The following NOS1 variants were observed in gnomAD, a reference collection of about 807,000 sequenced individuals.
The protein encoded by NOS1 is NOS type I.
NOS1 carries 51 observed loss-of-function variants against 164.5 expected under a neutral mutation model. The observed-to-expected ratio is 0.31, with a 90% CI of 0.25 to 0.39. The LOEUF is 0.39. Among genes scored for constraint, NOS1 ranks in the 10% least tolerant of loss-of-function variants. NOS1 has a pLI of 1.00. For missense variants in NOS1, 1,362 were observed against 1,885.6 expected (o/e 0.72, Z 5.14); for synonymous variants, 719 against 745.8 (o/e 0.96, Z 0.59).
intron 1 of NOS1, among the ~76,000 whole-genome samples, chr12:117,353,222 C>CATCT (rs143649352): frequency 1.2e-3 from 178 of 152,186 alleles, no homozygotes; most frequent in Middle Eastern, 3.4e-3. Flanking sequence ...TCTATCTATT[C>CATCT]ATCTATCTAT....
Position 117,253,730 on chromosome 12 carries a change from G to A in NOS1, c.2556C>T (p.Ser852=), listed in dbSNP as rs766767112. ...ERKSYKVRFN[S]VSSYSDSQKS... is the part of the protein sequence containing the mutation. ...TTTGGGAGTCAGAGTAGGAGGAGAC[G>A]CTGTTGAATCGGACCTTGTAGCTCC... The change falls in exon 17 of 29, where the codon AGC becomes AGT. Residue 852 remains serine, a synonymous_variant. Coordinates refer to ENST00000317775, the MANE Select transcript of NOS1 (RefSeq NM_000620.5). 2.5e-6 allele frequency: 4 copies of A among 1,613,874 alleles called. No homozygotes were observed. Among genetic ancestry groups the A allele is most frequent in the African/African-American group, 1.3e-5 (1 of 74,986 alleles).
chr12:117,219,505 C>G (rs1232976454), intron 27 of NOS1, among the ~76,000 whole-genome samples: 1 of 150,230 alleles, frequency 6.7e-6, no homozygotes, highest in Non-Finnish European at 1.5e-5. Flanking sequence ...CAGGGTTTCA[C>G]TATGTTAGTC....
intron 18 of NOS1, among the ~76,000 whole-genome samples, chr12:117,246,497 G>A (rs1870625489): frequency 6.6e-6 from 1 of 152,154 alleles, no homozygotes; most frequent in Non-Finnish European, 1.5e-5. Flanking sequence ...ACAACTCACT[G>A]TTTAAATATG....
chr12:117,330,266 G>A lies in NOS1; in HGVS notation c.725+79C>T, dbSNP rs1875460371. 1.3e-6 allele frequency: 2 copies of A among 1,503,198 alleles called. No homozygotes were observed. The highest frequency in any genetic ancestry group is 2.3e-5 in the East Asian group (1 of 43,632). 93.1% of individuals were successfully genotyped at this position (1,503,198 alleles called of 1,614,324 possible). On this transcript the variant is annotated intron_variant, in intron 2 of 28. Transcript: ENST00000317775. The surrounding 1 kb of genome is among the most constrained non-coding windows in gnomAD (Gnocchi z 4.6). ...GTTGGCTTCTGGGCTATGAGGCTGA[G>A]TCTCAGTAGACGCACATGCACACAC...
At chr12:117,322,274 T>C in intron 2 of NOS1, among the ~76,000 whole-genome samples, 1 of 113,712 alleles carries the variant, frequency 8.8e-6, no homozygotes. Context: ...CCTTCCTCTT[T>C]CCTTTCTTCC....
chr12:117,249,746 T>C (rs2135963488), intron 17 of NOS1, among the ~76,000 whole-genome samples: 1 of 152,168 alleles, frequency 6.6e-6, no homozygotes, highest in East Asian at 1.9e-4. Flanking sequence ...TTTCTCTATG[T>C]TGAGGTGGGG....
intron 3 of NOS1, among the ~76,000 whole-genome samples, chr12:117,310,193 C>T (rs77889924): frequency 0.012 from 1,880 of 152,222 alleles, 45 homozygotes; most frequent in African/African-American, 0.043. Context: ...AGGCGTGAGC[C>T]GCCATGCCTG....
chr12:117,315,218 T>A (rs77597823), intron 2 of NOS1, among the ~76,000 whole-genome samples: 3,414 of 152,176 alleles, frequency 0.022, 146 homozygotes, highest in African/African-American at 0.079. Context: ...ATTATTTATT[T>A]TTTTTTAGAT....
chr12:117,351,791 G>A (rs1261046178), intron 1 of NOS1, among the ~76,000 whole-genome samples: 1 of 152,198 alleles, frequency 6.6e-6, no homozygotes, highest in African/African-American at 2.4e-5. Flanking sequence ...ACTTGCCAAG[G>A]TTACAGAGTG....
At chr12:117,273,008 G>A (rs1437681569) in intron 9 of NOS1, among the ~76,000 whole-genome samples, 1 of 152,124 alleles carries the variant, frequency 6.6e-6, no homozygotes. Context: ...GCTCTGTCAT[G>A]CAGGCTTCCT....
chr12:117,314,280 C>G (rs995919224), intron 2 of NOS1, among the ~76,000 whole-genome samples: 1 of 152,190 alleles, frequency 6.6e-6, no homozygotes, highest in Non-Finnish European at 1.5e-5. Flanking sequence ...CCTACATGAT[C>G]GTAAACAGAA....
intron 1 of NOS1, among the ~76,000 whole-genome samples, chr12:117,342,195 C>A (rs1876144742): frequency 6.6e-6 from 1 of 152,002 alleles, no homozygotes; most frequent in South Asian, 2.1e-4. Flanking sequence ...ATTCATTTGC[C>A]TACTCATACA....
At chr12:117,321,570 C>A (rs1305986111) in intron 2 of NOS1, among the ~76,000 whole-genome samples, 2 of 152,042 alleles carry the variant, frequency 1.3e-5, no homozygotes, top group African/African-American at 2.4e-5. Context: ...GGGTACAAAG[C>A]GAGAGTAATC....
intron 20 of NOS1, among the ~76,000 whole-genome samples, chr12:117,236,596 C>T (rs758915153): frequency 1.1e-4 from 17 of 152,090 alleles, no homozygotes; most frequent in Admixed American, 6.6e-4. Context: ...GTCTTTGGTT[C>T]CTGGGGAGCA....
intron 17 of NOS1, among the ~76,000 whole-genome samples, chr12:117,251,003 T>G (rs1871060014): frequency 6.6e-6 from 1 of 152,204 alleles, no homozygotes; most frequent in Non-Finnish European, 1.5e-5. Context: ...TCCCCCAGAT[T>G]CATAGGTTGA....
chr12:117,236,925 TGGGCCCAGGCTCTG>T (rs1159928505), intron 20 of NOS1, among the ~76,000 whole-genome samples: 1 of 152,100 alleles, frequency 6.6e-6, no homozygotes, highest in East Asian at 1.9e-4. Context: ...GAATGCAAGG[TGGGCCCAGGCTCTG>T]GCCCTGCTGG....
Position 117,210,697 on chromosome 12 carries a change from T to A in NOS1, c.*4612A>T. The A allele has an allele frequency of 1.0e-6, 1 of 985,460 alleles. No individual in the cohort carries two copies. The highest frequency in any genetic ancestry group is 4.7e-5 in the South Asian group (1 of 21,286). 61.0% of individuals were successfully genotyped at this position (985,460 alleles called of 1,614,324 possible). Reference sequence around the variant, plus strand: ...CTTGTTTTGAGCTTAGGGCAAGACCTGACCTCTTTCAAAGTCCAGAGCAGG... The same window carrying A: ...CTTGTTTTGAGCTTAGGGCAAGACCAGACCTCTTTCAAAGTCCAGAGCAGG... On this transcript the variant is annotated 3_prime_UTR_variant, in exon 29 of 29. Coordinates refer to ENST00000317775, the MANE Select transcript of NOS1 (RefSeq NM_000620.5).
chr12:117,279,766 G>C (rs545834409), intron 8 of NOS1, among the ~76,000 whole-genome samples: 2 of 152,314 alleles, frequency 1.3e-5, no homozygotes, highest in East Asian at 3.9e-4. Flanking sequence ...AAGTGGAGCA[G>C]GGAGTCTGAG....
chr12:117,331,668 C>T (rs912141100), intron 1 of NOS1, among the ~76,000 whole-genome samples, 179 bp from the exon 2 acceptor site: 1 of 152,220 alleles, frequency 6.6e-6, no homozygotes, highest in Non-Finnish European at 1.5e-5. Flanking sequence ...GGAGGGGGCA[C>T]CTTTCAAGGT....
Sources: allele counts gnomAD v4.1 joint callset (sites outside exome capture counted in the v4.1 genomes callset), GRCh38; gene constraint gnomAD v4.1.1; non-coding constraint Gnocchi (gnomAD v3.1); transcripts MANE v1.5; gene names NCBI Gene and HGNC (gene_info 2026-07-23, HGNC 2026-07-21).